The following NHS variants were observed in gnomAD, a reference collection of about 807,000 sequenced individuals.
NHS encodes NHS actin remodeling regulator, also known as actin remodeling regulator NHS.
NHS carries 5 observed loss-of-function variants against 72.5 expected under a neutral mutation model. That is an observed-to-expected ratio of 0.07 (90% CI 0.04 to 0.14). NHS has a LOEUF of 0.14. Among genes scored for constraint, NHS ranks in the 10% least tolerant of loss-of-function variants. NHS has a pLI of 1.00. For synonymous variants in NHS, 464 were observed against 547.7 expected, an observed-to-expected ratio of 0.85 and a Z score of 2.13; for missense variants, 1,072 against 1,355.7, an observed-to-expected ratio of 0.79 and a Z score of 3.29.
intron 1 of NHS, among the ~76,000 whole-genome samples, chrX:17,393,886 G>T (rs1055718458): frequency 9.0e-6 from 1 of 111,535 alleles, no homozygotes; most frequent in Non-Finnish European, 1.9e-5. Flanking sequence ...AGATTTGGGG[G>T]TTTAAAAGGC....
chrX:17,695,713 C>A (rs1182069488), intron 3 of NHS, among the ~76,000 whole-genome samples: 2 of 111,301 alleles, frequency 1.8e-5, no homozygotes, highest in African/African-American at 6.5e-5. Context: ...ATAACTCCTA[C>A]AAGTGAGAAG....
chrX:17,515,654 A>G (rs1401135215), intron 1 of NHS, among the ~76,000 whole-genome samples: 1 of 112,312 alleles, frequency 8.9e-6, no homozygotes, highest in Non-Finnish European at 1.9e-5. Flanking sequence ...AAATGTTAAC[A>G]TGGTTTGGAT....
chrX:17,499,201 G>A (rs1006441552), intron 1 of NHS, among the ~76,000 whole-genome samples: 6 of 110,970 alleles, frequency 5.4e-5, no homozygotes, highest in Non-Finnish European at 9.4e-5. Context: ...TCCTATGGTT[G>A]GCTAGGATAC....
intron 3 of NHS, among the ~76,000 whole-genome samples, chrX:17,693,329 C>T (rs1004920729): frequency 4.5e-5 from 5 of 112,235 alleles, no homozygotes; most frequent in African/African-American, 1.6e-4. Context: ...TCTGAGCAGG[C>T]ATCATTGAAG....
intron 1 of NHS, among the ~76,000 whole-genome samples, chrX:17,628,103 A>AGGG (rs2065806942): frequency 8.9e-6 from 1 of 112,890 alleles, no homozygotes; most frequent in Non-Finnish European, 1.9e-5. Flanking sequence ...GGGGGCCCAC[A>AGGG]TGGCAGCTCC....
chrX:17,548,830 A>G (rs967192242), intron 1 of NHS, among the ~76,000 whole-genome samples: 4 of 111,578 alleles, frequency 3.6e-5, no homozygotes, highest in Non-Finnish European at 7.5e-5. Context: ...AAGAGGGCTG[A>G]CAACAGGCCC....
At chrX:17,445,807 A>T (rs1159504103) in intron 1 of NHS, among the ~76,000 whole-genome samples, 1 of 105,103 alleles carries the variant, frequency 9.5e-6, no homozygotes, top group Admixed American at 1.0e-4. Context: ...TTTTTACCTA[A>T]ATCAATCTGG....
chrX:17,467,183 A>G (rs1393557937), intron 1 of NHS, among the ~76,000 whole-genome samples: 3 of 111,499 alleles, frequency 2.7e-5, no homozygotes, highest in Non-Finnish European at 5.6e-5. Flanking sequence ...CTTCTACATT[A>G]CCTTAATGTT....
At chrX:17,398,510 A>G (rs1221263072) in intron 1 of NHS, among the ~76,000 whole-genome samples, 1 of 112,412 alleles carries the variant, frequency 8.9e-6, no homozygotes, top group East Asian at 2.8e-4. Context: ...AACCCTAAAA[A>G]TCAGTGGCTT....
chrX:17,534,096 T>TTTTGTGTG (rs112645115), intron 1 of NHS, among the ~76,000 whole-genome samples: 2 of 104,942 alleles, frequency 1.9e-5, no homozygotes, highest in South Asian at 8.7e-4. Flanking sequence ...TGAAAGGTCA[T>TTTTGTGTG]TGTGTGTGTG....
At chrX:17,425,072 G>T (rs2064644744) in intron 1 of NHS, among the ~76,000 whole-genome samples, 1 of 111,729 alleles carries the variant, frequency 9.0e-6, no homozygotes, top group Non-Finnish European at 1.9e-5. Flanking sequence ...AGAAAGCTGA[G>T]CAACTGGTAT....
intron 1 of NHS, among the ~76,000 whole-genome samples, chrX:17,665,318 A>ATTTTTTT (rs34661609): frequency 1.6e-4 from 9 of 54,719 alleles, no homozygotes; most frequent in African/African-American, 5.3e-4. Context: ...TTACCTATAG[A>ATTTTTTT]TTTTTTTTTT....
chrX:17,497,201 A>G (rs1463495435), intron 1 of NHS, among the ~76,000 whole-genome samples: 1 of 111,949 alleles, frequency 8.9e-6, no homozygotes, highest in Admixed American at 9.5e-5. Context: ...TTAAATACAC[A>G]TGGCAGCATT....
chrX:17,492,620 G>A (rs1432415783), intron 1 of NHS, among the ~76,000 whole-genome samples: 1 of 112,136 alleles, frequency 8.9e-6, no homozygotes, highest in East Asian at 2.8e-4. Flanking sequence ...GTTGATTTAG[G>A]GTGGAGAGTT....
intron 6 of NHS, among the ~76,000 whole-genome samples, chrX:17,724,956 C>T (rs2066431352): frequency 9.0e-6 from 1 of 110,970 alleles, no homozygotes; most frequent in Non-Finnish European, 1.9e-5. Flanking sequence ...ATTTTTATTT[C>T]TAATAATGAG....
intron 1 of NHS, among the ~76,000 whole-genome samples, chrX:17,513,048 A>G (rs1308371552): frequency 8.9e-6 from 1 of 112,184 alleles, no homozygotes; most frequent in Non-Finnish European, 1.9e-5. Flanking sequence ...CCTGTTTTAC[A>G]GGTCTTGAGA....
chrX:17,485,143 G>A (rs374621671), intron 1 of NHS, among the ~76,000 whole-genome samples: 1 of 112,063 alleles, frequency 8.9e-6, no homozygotes, highest in South Asian at 3.7e-4. Flanking sequence ...ACTCTGCTAT[G>A]GTAGATCTAA....
intron 1 of NHS, among the ~76,000 whole-genome samples, chrX:17,617,638 G>A (rs997334811): frequency 1.8e-5 from 2 of 111,828 alleles, no homozygotes; most frequent in African/African-American, 3.3e-5. Context: ...GAAAGCACTC[G>A]GTATTATTTA....
chrX:17,566,234 C>T (rs984915498), intron 1 of NHS, among the ~76,000 whole-genome samples: 4 of 110,843 alleles, frequency 3.6e-5, no homozygotes, highest in African/African-American at 9.9e-5. Flanking sequence ...CCTCCTGTCT[C>T]GGCCTCCCAA....
Sources: gnomAD v4.1 joint callset for allele counts (sites outside exome capture counted in the v4.1 genomes callset) on GRCh38, gnomAD v4.1.1 for gene constraint, MANE v1.5 for transcripts, NCBI Gene and HGNC (gene_info 2026-07-23, HGNC 2026-07-21) for gene names.